The following CNOT2 variants were observed in gnomAD, a reference collection of about 807,000 sequenced individuals.
The protein encoded by CNOT2 is CC chemokine receptor 4-negative regulator of transcription 2.
Under a neutral mutation model 72.1 loss-of-function variants are expected in CNOT2, and 7 were observed. The ratio of observed to expected loss-of-function variants is 0.10; its 90% CI spans 0.06 to 0.18. CNOT2 has a LOEUF of 0.18. Ranked by LOEUF, CNOT2 falls within the 10% of genes least tolerant of loss-of-function variation. The probability of loss-of-function intolerance (pLI) is 1.00; values close to 1 mark genes in which losing one functional copy is unlikely to be tolerated. For missense variants in CNOT2, 345 were observed against 660.3 expected (o/e 0.52, Z 5.23); for synonymous variants, 196 against 225.6 (o/e 0.87, Z 1.17).
At chr12:70,336,899 C>A in intron 8 of CNOT2, 1 of 153,378 alleles carries the variant, frequency 6.5e-6, no homozygotes, top group South Asian at 2.0e-4. Flanking sequence ...GCATGTTTTA[C>A]ATCTATAACA....
chr12:70,302,304 T>C (rs2135920288), intron 2 of CNOT2, among the ~76,000 whole-genome samples: 1 of 152,072 alleles, frequency 6.6e-6, no homozygotes, highest in East Asian at 1.9e-4. Context: ...TTAATTGTGA[T>C]GTTAGGGTGT....
In CNOT2 at chr12:70,353,985, A is replaced by T. The variant is rs1050621208; in HGVS notation, c.*70A>T. The stretch of plus-strand genomic sequence containing the variant: ...TGGCTGTCTCAGCACAATACTCAAC[A>T]TAACTGCAGAACTGATGTGGCTCAG... On this transcript the variant is annotated 3_prime_UTR_variant, in exon 16 of 16. Transcript: ENST00000229195. 6.5e-7 allele frequency: 1 copy of T among 1,544,758 alleles called. No individual in the cohort carries two copies. The highest frequency in any genetic ancestry group is 1.4e-5 in the African/African-American group (1 of 71,042).
intron 14 of CNOT2, chr12:70,345,340 C>G (rs1882031880): frequency 6.6e-6 from 1 of 151,900 alleles, no homozygotes; most frequent in Admixed American, 6.6e-5. Flanking sequence ...AGGATTTTTC[C>G]CTTATGTTTT....
intron 1 of CNOT2, chr12:70,244,256 C>G (rs1050101273): frequency 6.6e-6 from 1 of 152,218 alleles, no homozygotes; most frequent in Non-Finnish European, 1.5e-5. Context: ...ACCACAGACG[C>G]TTCTGTCTGT....
chr12:70,257,977 G>C (rs976602822), intron 1 of CNOT2, among the ~76,000 whole-genome samples: 2 of 152,156 alleles, frequency 1.3e-5, no homozygotes, highest in African/African-American at 4.8e-5. Flanking sequence ...CTGATACTGA[G>C]TATGTTGTGT....
intron 1 of CNOT2, among the ~76,000 whole-genome samples, chr12:70,254,895 C>T (rs1002334089): frequency 1.3e-5 from 2 of 150,226 alleles, no homozygotes; most frequent in Admixed American, 6.7e-5. Flanking sequence ...GCAGGAGAAT[C>T]GCTTGAACCT....
At chr12:70,315,801 TC>T (rs1174226429) in intron 3 of CNOT2, among the ~76,000 whole-genome samples, 2 of 152,198 alleles carry the variant, frequency 1.3e-5, no homozygotes, top group African/African-American at 4.8e-5. Context: ...TTAATCTTTT[TC>T]TACCGTTTGC....
intron 1 of CNOT2, among the ~76,000 whole-genome samples, chr12:70,247,878 G>A (rs540115645): frequency 2.0e-5 from 3 of 152,278 alleles, no homozygotes; most frequent in Non-Finnish European, 4.4e-5. Flanking sequence ...AAAGTGGTGG[G>A]GAGAATAGCT....
chr12:70,265,282 T>TCTCTCCTCTTCTCTTCTCTC (rs1178769875), intron 1 of CNOT2, among the ~76,000 whole-genome samples: 1 of 132,272 alleles, frequency 7.6e-6, no homozygotes, highest in African/African-American at 2.9e-5. Context: ...TTTCTTCTCT[T>TCTCTCCTCTTCTCTTCTCTC]CTCTTCTCTT....
At chr12:70,243,889 G>T (rs1957717204) in intron 1 of CNOT2, 2 of 152,242 alleles carry the variant, frequency 1.3e-5, no homozygotes, top group Non-Finnish European at 2.9e-5. Flanking sequence ...GCTGCTTCCT[G>T]GGGGAGAAGA....
intron 1 of CNOT2, among the ~76,000 whole-genome samples, chr12:70,253,592 A>C (rs1313032380): frequency 6.6e-6 from 1 of 152,172 alleles, no homozygotes; most frequent in African/African-American, 2.4e-5. Context: ...GGGCTCTATA[A>C]ACTTACTAGC....
intron 15 of CNOT2, among the ~76,000 whole-genome samples, chr12:70,348,868 A>T (rs1294060007): frequency 6.6e-6 from 1 of 151,780 alleles, no homozygotes; most frequent in Non-Finnish European, 1.5e-5. Flanking sequence ...ATTATATATA[A>T]AACATAATTT....
chr12:70,263,537 A>T (rs1958877773), intron 1 of CNOT2, among the ~76,000 whole-genome samples: 1 of 152,042 alleles, frequency 6.6e-6, no homozygotes, highest in South Asian at 2.1e-4. Flanking sequence ...TTAACTACAT[A>T]ATATCTCTTT....
At chr12:70,267,539 G>A (rs1959108915) in intron 1 of CNOT2, among the ~76,000 whole-genome samples, 1 of 152,190 alleles carries the variant, frequency 6.6e-6, no homozygotes, top group African/African-American at 2.4e-5. Context: ...AAATTCAGAG[G>A]TCCTGGGGGT....
At chr12:70,314,054 A>G (rs1876915850) in intron 3 of CNOT2, among the ~76,000 whole-genome samples, 1 of 152,170 alleles carries the variant, frequency 6.6e-6, no homozygotes, top group Non-Finnish European at 1.5e-5. Context: ...TTGCACATTA[A>G]TATCAATATA....
intron 2 of CNOT2, among the ~76,000 whole-genome samples, chr12:70,296,794 ATAAAAT>A (rs982306474): frequency 9.5e-5 from 14 of 148,102 alleles, no homozygotes; most frequent in African/African-American, 2.9e-4. Flanking sequence ...CAAGAATTAA[ATAAAAT>A]TAGAATTATT....
intron 4 of CNOT2, chr12:70,322,052 CATA>C (rs1878384209): frequency 6.6e-6 from 1 of 151,764 alleles, no homozygotes; most frequent in African/African-American, 2.4e-5. Context: ...ATTCAAGTTG[CATA>C]ATGTTTCCTA....
intron 15 of CNOT2, 21 bp downstream of exon 15, chr12:70,346,345 A>G: frequency 1.3e-6 from 2 of 1,595,466 alleles, no homozygotes; most frequent in Non-Finnish European, 1.7e-6. Context: ...TTCCATGTGC[A>G]AATGTATAAA....
intron 2 of CNOT2, among the ~76,000 whole-genome samples, chr12:70,280,634 T>C (rs1869653004): frequency 6.6e-6 from 1 of 152,212 alleles, no homozygotes; most frequent in Non-Finnish European, 1.5e-5. Context: ...CAAGAATTTT[T>C]GTAAAATTTA....
Sources: allele counts gnomAD v4.1 joint callset (sites outside exome capture counted in the v4.1 genomes callset), GRCh38; gene constraint gnomAD v4.1.1; transcripts MANE v1.5; gene names NCBI Gene and HGNC (gene_info 2026-07-23, HGNC 2026-07-21).